Variants in FRMPD2 observed in about 807,000 individuals in gnomAD.
The protein encoded by FRMPD2 is FERM and PDZ domain-containing protein 2.
FRMPD2 carries 96 observed loss-of-function variants against 140.1 expected under a neutral mutation model. The ratio of observed to expected loss-of-function variants is 0.69; its 90% CI spans 0.58 to 0.81. The LOEUF is 0.81. Ranked by LOEUF, FRMPD2 falls within the 40% of genes least tolerant of loss-of-function variation. The pLI is 0.00. For missense variants in FRMPD2, 1,240 were observed against 1,447.4 expected (o/e 0.86, Z 2.32); for synonymous variants, 449 against 547.6 (o/e 0.82, Z 2.52).
chr10:48,236,841 T>A (rs139760087), intron 8 of FRMPD2, among the ~76,000 whole-genome samples: 22 of 152,354 alleles, frequency 1.4e-4, no homozygotes, highest in African/African-American at 5.1e-4. Flanking sequence ...CAGAACTCCA[T>A]CTTTTGTATG....
chr10:48,185,282 G>A (rs1350407551), intron 18 of FRMPD2, among the ~76,000 whole-genome samples: 1 of 152,188 alleles, frequency 6.6e-6, no homozygotes, highest in African/African-American at 2.4e-5. Flanking sequence ...TAGCTGACTA[G>A]AGGAATGTTG....
chr10:48,218,250 A>G (rs185219293), intron 12 of FRMPD2, among the ~76,000 whole-genome samples: 22 of 152,314 alleles, frequency 1.4e-4, no homozygotes, highest in African/African-American at 5.3e-4. Context: ...AACTCCAAGT[A>G]CTGTTAATTA....
intron 8 of FRMPD2, 76 bp from the exon 9 acceptor site, chr10:48,236,629 A>G: frequency 1.5e-6 from 2 of 1,318,216 alleles, no homozygotes; most frequent in Non-Finnish European, 2.2e-6. Flanking sequence ...CCCATGATGC[A>G]CCTCTGCAGC....
chr10:48,267,593 G>A (rs1439410111), intron 1 of FRMPD2, among the ~76,000 whole-genome samples: 1 of 152,154 alleles, frequency 6.6e-6, no homozygotes, highest in Non-Finnish European at 1.5e-5. Flanking sequence ...CTAGTAACTG[G>A]AATACATGAA....
At chr10:48,174,131 A>G (rs1485699807) in intron 24 of FRMPD2, among the ~76,000 whole-genome samples, 3 of 152,188 alleles carry the variant, frequency 2.0e-5, no homozygotes, top group Admixed American at 6.5e-5. Context: ...AGAAAGCGAA[A>G]AGTGGCCAGA....
chr10:48,215,403 G>T (rs1839422136), intron 12 of FRMPD2, among the ~76,000 whole-genome samples: 1 of 152,210 alleles, frequency 6.6e-6, no homozygotes, highest in Non-Finnish European at 1.5e-5. Context: ...ATATAGCAAA[G>T]CAATGTGAAG....
chr10:48,219,853 A>T (rs1454126463), intron 12 of FRMPD2, among the ~76,000 whole-genome samples: 1 of 152,228 alleles, frequency 6.6e-6, no homozygotes, highest in Non-Finnish European at 1.5e-5. Context: ...CTTGGCCAAG[A>T]TTAGGATTGC....
At chr10:48,192,602 A>G in intron 16 of FRMPD2, 82 bp downstream of exon 16, 10 of 1,265,578 alleles carry the variant, frequency 7.9e-6, no homozygotes, top group Non-Finnish European at 1.1e-5. Flanking sequence ...AAAAAAAAAT[A>G]AAATAAATCT....
At chr10:48,206,721 G>T in intron 14 of FRMPD2, 27 bp downstream of exon 14, 8 of 1,591,174 alleles carry the variant, frequency 5.0e-6, no homozygotes, top group Non-Finnish European at 6.9e-6. Context: ...TGAAGTGCAG[G>T]TTATTTATCA....
chr10:48,264,930 A>T (rs1222206125), intron 1 of FRMPD2, among the ~76,000 whole-genome samples: 1 of 152,198 alleles, frequency 6.6e-6, no homozygotes, highest in African/African-American at 2.4e-5. Flanking sequence ...AAAAGAACAA[A>T]GCAGGAAGCA....
intron 12 of FRMPD2, among the ~76,000 whole-genome samples, chr10:48,217,593 C>T (rs952969063): frequency 6.6e-5 from 10 of 152,294 alleles, no homozygotes; most frequent in Admixed American, 2.6e-4. Flanking sequence ...TATCAATGTG[C>T]ATTGCATATA....
chr10:48,191,590 G>T (rs1461004784), intron 16 of FRMPD2, among the ~76,000 whole-genome samples: 1 of 152,146 alleles, frequency 6.6e-6, no homozygotes, highest in African/African-American at 2.4e-5. Flanking sequence ...TATGGATATA[G>T]ATATAGGTAT....
chr10:48,247,244 C>T (rs962636484), intron 3 of FRMPD2, among the ~76,000 whole-genome samples: 1 of 152,230 alleles, frequency 6.6e-6, no homozygotes, highest in Non-Finnish European at 1.5e-5. Flanking sequence ...ATAAGGTACT[C>T]AATGGAGGCC....
At chr10:48,171,859 G>A (rs1475669804) in intron 25 of FRMPD2, among the ~76,000 whole-genome samples, 4 of 152,252 alleles carry the variant, frequency 2.6e-5, no homozygotes, top group Admixed American at 6.5e-5. Flanking sequence ...CTAGTCATTT[G>A]TAGTATACTT....
At chr10:48,196,060 A>T (rs1838941944) in intron 15 of FRMPD2, among the ~76,000 whole-genome samples, 1 of 152,152 alleles carries the variant, frequency 6.6e-6, no homozygotes, top group South Asian at 2.1e-4. Flanking sequence ...GATCGGACTT[A>T]TCTTGGTGGT....
At chr10:48,225,523 A>C (rs1052913112) in intron 10 of FRMPD2, among the ~76,000 whole-genome samples, 3 of 152,154 alleles carry the variant, frequency 2.0e-5, no homozygotes, top group Non-Finnish European at 4.4e-5. Context: ...TTTTGTCTCA[A>C]AACAACTCAC....
At chr10:48,225,741 C>A (rs1037853580) in intron 10 of FRMPD2, among the ~76,000 whole-genome samples, 1 of 152,200 alleles carries the variant, frequency 6.6e-6, no homozygotes, top group East Asian at 1.9e-4. Flanking sequence ...AAATGACAAG[C>A]CTTTTCCCAT....
At chr10:48,195,031 A>C (rs1838920175) in intron 15 of FRMPD2, among the ~76,000 whole-genome samples, 1 of 152,238 alleles carries the variant, frequency 6.6e-6, no homozygotes, top group South Asian at 2.1e-4. Context: ...ATAAGGCTGA[A>C]TCCATCTGGA....
intron 12 of FRMPD2, 98 bp downstream of exon 12, chr10:48,222,215 A>C: frequency 8.0e-7 from 1 of 1,251,098 alleles, no homozygotes; most frequent in East Asian, 2.4e-5. Flanking sequence ...GATGCTAACA[A>C]TACTCAAAGC....
Sources: allele counts gnomAD v4.1 joint callset (sites outside exome capture counted in the v4.1 genomes callset), GRCh38; gene constraint gnomAD v4.1.1; transcripts MANE v1.5; gene names NCBI Gene and HGNC (gene_info 2026-07-23, HGNC 2026-07-21).